The following ADCY8 variants were observed in gnomAD, a reference collection of about 807,000 sequenced individuals.
ADCY8 encodes the protein adenylate cyclase 8.
In ADCY8, 51 loss-of-function variants were observed where a neutral mutation model predicts 119.7. The observed-to-expected ratio is 0.43, with a 90% CI of 0.34 to 0.54. The LOEUF (loss-of-function observed/expected upper bound fraction) is 0.54. Ranked by LOEUF, ADCY8 falls within the 20% of genes least tolerant of loss-of-function variation. The probability of loss-of-function intolerance (pLI) is 0.03; values close to 1 mark genes in which losing one functional copy is unlikely to be tolerated. For missense variants in ADCY8, 1,383 were observed against 1,598.8 expected (o/e 0.87, Z 2.30); for synonymous variants, 665 against 651.0 (o/e 1.02, Z -0.33).
At chr8:130,854,569 C>G (rs1817645766) in intron 9 of ADCY8, among the ~76,000 whole-genome samples, 1 of 152,030 alleles carries the variant, frequency 6.6e-6, no homozygotes. Context: ...TTGCAGCAAC[C>G]CTGAAGAAAG....
Position 130,780,811 on chromosome 8 carries a change from C to G in ADCY8, c.3335G>C (p.Gly1112Ala). The G allele has an allele frequency of 6.2e-7, 1 of 1,614,158 alleles. No homozygotes were observed. Among genetic ancestry groups the G allele is most frequent in the Non-Finnish European group, 8.5e-7 (1 of 1,180,006 alleles). The change falls in exon 18 of 18, where the codon GGC becomes GCC. Residue 1112 changes from glycine to alanine, a missense_variant. By Grantham distance (60) the Gly-to-Ala change is moderately conservative. Transcript: ENST00000286355. The stretch of plus-strand genomic sequence containing the variant: ...TCGGCTTGCCAGGTTCACAGTTTTG[C>G]CCCAAATGTCATACTGTGGTTTCTT... Reference protein sequence around the residue: ...GAKKPQYDIWGKTVNLASRMD... With the variant: ...GAKKPQYDIWAKTVNLASRMD...
In ADCY8 at chr8:130,828,555, C is replaced by A. The variant is rs181877559; in HGVS notation, c.2676-7135G>T. On this transcript the variant is annotated intron_variant, in intron 12 of 17. Transcript: ENST00000286355. ...CAGTGCCACCTAGTGGAATAGGGAT[C>A]CTTTCCATGAGGCAGATTGTTGGTC... Among the ~76,000 whole-genome samples the A allele has an allele frequency of 1.6e-4, 24 of 152,310 alleles. No individual in the cohort carries two copies. In the South Asian group the frequency reaches 3.5e-3, roughly 22 times the overall value.
At chr8:130,939,128 AT>A in intron 4 of ADCY8, among the ~76,000 whole-genome samples, 1 of 151,838 alleles carries the variant, frequency 6.6e-6, no homozygotes, top group South Asian at 2.1e-4. Flanking sequence ...TGAACAATCC[AT>A]CAACAAACAC....
intron 8 of ADCY8, among the ~76,000 whole-genome samples, chr8:130,877,833 G>T (rs1818624756): frequency 6.6e-6 from 1 of 152,148 alleles, no homozygotes; most frequent in Admixed American, 6.5e-5. Context: ...GATCCTGGGA[G>T]ATTGTTGGAA....
intron 1 of ADCY8, among the ~76,000 whole-genome samples, chr8:131,008,315 T>A (rs1823188963): frequency 6.6e-6 from 1 of 152,134 alleles, no homozygotes; most frequent in Non-Finnish European, 1.5e-5. Flanking sequence ...ATAATCCCCA[T>A]GTGTCAAGAG....
chr8:130,808,254 T>C (rs570103655), intron 14 of ADCY8, among the ~76,000 whole-genome samples: 1 of 152,236 alleles, frequency 6.6e-6, no homozygotes, highest in African/African-American at 2.4e-5. Context: ...TTAACCCCGG[T>C]ATTTAGAATA....
chr8:130,888,114 A>G (rs780365108), intron 7 of ADCY8, among the ~76,000 whole-genome samples: 1 of 152,078 alleles, frequency 6.6e-6, no homozygotes, highest in Non-Finnish European at 1.5e-5. Flanking sequence ...CGGTTCTTTC[A>G]CATAAACACT....
intron 5 of ADCY8, among the ~76,000 whole-genome samples, chr8:130,919,904 G>A (rs1820248311): frequency 6.6e-6 from 1 of 152,086 alleles, no homozygotes; most frequent in Non-Finnish European, 1.5e-5. Flanking sequence ...TTCAAACCTG[G>A]ATTAGTCCTT....
intron 7 of ADCY8, among the ~76,000 whole-genome samples, chr8:130,891,834 G>C (rs1471886484): frequency 1.3e-5 from 2 of 152,112 alleles, no homozygotes; most frequent in African/African-American, 2.4e-5. Flanking sequence ...GGAGGTGCTA[G>C]TGAATAGGAC....
chr8:130,787,958 G>T (rs1413232740), intron 15 of ADCY8, among the ~76,000 whole-genome samples: 1 of 152,186 alleles, frequency 6.6e-6, no homozygotes, highest in Non-Finnish European at 1.5e-5. Context: ...GAGAAGGGGT[G>T]TCAAGAAAGT....
At chr8:130,990,637 C>A (rs1822549103) in intron 1 of ADCY8, 95 bp from the exon 2 acceptor site, 1 of 1,470,514 alleles carries the variant, frequency 6.8e-7, no homozygotes, top group Non-Finnish European at 9.3e-7. Context: ...CAAGGTAAAT[C>A]CTAATGTAGT....
In ADCY8 at chr8:130,800,559, T is replaced by C; in HGVS notation, c.2927A>G (p.Gln976Arg). 1.2e-6 allele frequency: 2 copies of C among 1,613,998 alleles called. No individual in the cohort carries two copies. The highest frequency in any genetic ancestry group is 1.7e-6 in the Non-Finnish European group (2 of 1,179,946). ...KDRDNEELYS[Q>R]SYDAVGVMFA... Reference sequence around the variant, plus strand: ...CATCACCCCAACAGCATCATAGGATTGAGAATACAGCTCCTGGACAGAGAC... The same window carrying C: ...CATCACCCCAACAGCATCATAGGATCGAGAATACAGCTCCTGGACAGAGAC... The change falls in exon 15 of 18, where the codon CAA becomes CGA. Residue 976 changes from glutamine to arginine, a missense_variant. By Grantham distance (43) the Gln-to-Arg change is conservative. This residue lies in a region of ADCY8 where 928 missense variants were observed against 1,163.5 expected (regional missense o/e 0.80). Coordinates refer to ENST00000286355, the MANE Select transcript of ADCY8 (RefSeq NM_001115.3).
chr8:130,895,476 G>C (rs1482609070), intron 7 of ADCY8, among the ~76,000 whole-genome samples: 1 of 152,148 alleles, frequency 6.6e-6, no homozygotes, highest in African/African-American at 2.4e-5. Flanking sequence ...AGGATGATGA[G>C]TCAAAGCAAA....
chr8:131,019,987 A>G (rs770270917), intron 1 of ADCY8, among the ~76,000 whole-genome samples: 22 of 152,184 alleles, frequency 1.4e-4, no homozygotes, highest in Non-Finnish European at 2.9e-4. Context: ...TGAGCTGAGA[A>G]TGAGGGAAGA....
chr8:130,792,959 A>C (rs572058748), intron 15 of ADCY8, among the ~76,000 whole-genome samples: 4 of 152,242 alleles, frequency 2.6e-5, no homozygotes, highest in African/African-American at 9.6e-5. Context: ...AAAGGCAGGA[A>C]CCAGCTCCAG....
At chr8:130,791,590 G>A (rs573529868) in intron 15 of ADCY8, among the ~76,000 whole-genome samples, 10 of 152,328 alleles carry the variant, frequency 6.6e-5, no homozygotes, top group East Asian at 3.9e-4. Context: ...TTGGTGATGC[G>A]GCTGGCTCAC....
At chr8:131,015,609 A>G (rs1823447420) in intron 1 of ADCY8, among the ~76,000 whole-genome samples, 1 of 152,242 alleles carries the variant, frequency 6.6e-6, no homozygotes, top group Non-Finnish European at 1.5e-5. Flanking sequence ...TTTATCTCTA[A>G]ACAATTCATA....
At chr8:130,969,989 TAA>T (rs1462536489) in intron 2 of ADCY8, among the ~76,000 whole-genome samples, 1 of 152,236 alleles carries the variant, frequency 6.6e-6, no homozygotes, top group Non-Finnish European at 1.5e-5. Context: ...TGTTCTGCAT[TAA>T]ATTATAACTA....
Position 130,902,206 on chromosome 8 carries a change from C to A in ADCY8, c.1911+1566G>T, listed in dbSNP as rs535888110. On this transcript the variant is annotated intron_variant, in intron 7 of 17. Transcript: ENST00000286355. ...GCTGAGGTATTCAGGATGAGGCATG[C>A]ATTTCTTTCTCTTTAAATAATCAGC... Among the ~76,000 whole-genome samples, 12 of 152,280 alleles carry A rather than the reference C, an allele frequency of 7.9e-5. No homozygotes were observed. In the South Asian group the frequency reaches 2.3e-3, roughly 29 times the overall value.
Sources: gnomAD v4.1 joint callset for allele counts (sites outside exome capture counted in the v4.1 genomes callset) on GRCh38, gnomAD v4.1.1 for gene constraint, gnomAD v4.1.1 regional missense constraint, MANE v1.5 for transcripts, NCBI Gene and HGNC (gene_info 2026-07-23, HGNC 2026-07-21) for gene names.